ELAPOR2: variants seen among roughly 807,000 people sequenced by gnomAD.
ELAPOR2 encodes endosome/lysosome-associated apoptosis and autophagy regulator family member 2.
A neutral mutation model predicts 120.7 loss-of-function variants in ELAPOR2; 89 were observed. The observed-to-expected ratio is 0.74, with a 90% CI of 0.62 to 0.88. ELAPOR2 has a LOEUF of 0.88. Ranked by LOEUF, ELAPOR2 falls within the 40% of genes least tolerant of loss-of-function variation. ELAPOR2 has a pLI of 0.00. For synonymous variants in ELAPOR2, 444 were observed against 444.9 expected (o/e 1.00, Z 0.03); for missense variants, 1,134 against 1,251.6 (o/e 0.91, Z 1.42).
chr7:86,902,272 G>T (rs1157885149), intron 18 of ELAPOR2, among the ~76,000 whole-genome samples: 1 of 152,112 alleles, frequency 6.6e-6, no homozygotes, highest in African/African-American at 2.4e-5. Context: ...CACCTCCTGG[G>T]TTCAAGTGAT....
intron 1 of ELAPOR2, among the ~76,000 whole-genome samples, chr7:87,048,489 G>C (rs906812706): frequency 2.0e-5 from 3 of 152,148 alleles, no homozygotes; most frequent in South Asian, 2.1e-4. Flanking sequence ...GAAAGGTAGT[G>C]TGGGGGTTGG....
At chr7:86,980,677 T>G (rs1261295428) in intron 1 of ELAPOR2, among the ~76,000 whole-genome samples, 2 of 152,036 alleles carry the variant, frequency 1.3e-5, no homozygotes, top group Non-Finnish European at 2.9e-5. Context: ...TTCCTGTGGG[T>G]CTCAAGTACT....
Position 86,947,804 on chromosome 7 carries a change from C to T in ELAPOR2, c.429G>A (p.Pro143=), listed in dbSNP as rs1234060160. 1.7e-5 allele frequency: 26 copies of T among 1,551,728 alleles called. No homozygotes were observed. The Admixed American group carries it at 2.7e-4, about 16-fold the overall frequency. Reference sequence around the variant, plus strand: ...ATGTTGCGATGTTAGAAAATCCTGCCGGCAATTCATCCCATTCATCAAATT... The same window carrying T: ...ATGTTGCGATGTTAGAAAATCCTGCTGGCAATTCATCCCATTCATCAAATT... The part of the protein sequence containing the change: ...GIKFDEWDEL[P]AGFSNIATFM... The change falls in exon 3 of 22, where the codon CCG becomes CCA. Residue 143 remains proline (P), a synonymous_variant. Transcript: ENST00000450689.
chr7:86,879,832 C>T lies in ELAPOR2; in HGVS notation c.*639G>A, dbSNP rs148888430. ...GTCAAGCCCTTCTTACCAGCTCCAA[C>T]GAGGATGGAATTTCAAAGGCAATTA... On this transcript the variant is annotated 3_prime_UTR_variant, in exon 22 of 22. Transcript: ENST00000450689. 1 of 152,044 alleles carries T rather than the reference C, an allele frequency of 6.6e-6. No individual in the cohort carries two copies. Among genetic ancestry groups the T allele is most frequent in the Non-Finnish European group, 1.5e-5 (1 of 68,020 alleles). 9.4% of individuals were successfully genotyped at this position (152,044 alleles called of 1,614,324 possible).
intron 1 of ELAPOR2, among the ~76,000 whole-genome samples, chr7:87,056,246 C>T (rs928585673): frequency 3.3e-5 from 5 of 152,136 alleles, no homozygotes; most frequent in Non-Finnish European, 7.4e-5. Context: ...TTATATTTCT[C>T]CTTTATCTTA....
At chr7:86,887,675 G>C (rs1333495271) in intron 21 of ELAPOR2, among the ~76,000 whole-genome samples, 1 of 152,060 alleles carries the variant, frequency 6.6e-6, no homozygotes, top group East Asian at 1.9e-4. Context: ...ATTTCCTACT[G>C]TCCAAAAGCA....
chr7:87,038,657 ATGAAAATTAAACAATATG>A (rs1446005598), intron 1 of ELAPOR2, among the ~76,000 whole-genome samples: 1 of 152,182 alleles, frequency 6.6e-6, no homozygotes, highest in African/African-American at 2.4e-5. Flanking sequence ...ATACAAATAC[ATGAAAATTAAACAATATG>A]CTCCTGAATG....
At chr7:87,041,838 C>T (rs1794798233) in intron 1 of ELAPOR2, among the ~76,000 whole-genome samples, 1 of 151,808 alleles carries the variant, frequency 6.6e-6, no homozygotes, top group African/African-American at 2.4e-5. Context: ...AGAGTCAAGA[C>T]CCATCAGTGT....
chr7:86,898,781 T>C (rs1316716033), intron 18 of ELAPOR2, among the ~76,000 whole-genome samples: 1 of 152,104 alleles, frequency 6.6e-6, no homozygotes, highest in African/African-American at 2.4e-5. Flanking sequence ...GCTGGGCATA[T>C]GGAGAGAAAC....
intron 1 of ELAPOR2, among the ~76,000 whole-genome samples, chr7:87,035,795 A>G (rs1794567658): frequency 6.6e-6 from 1 of 152,222 alleles, no homozygotes; most frequent in South Asian, 2.1e-4. Flanking sequence ...ATGCTTGAAC[A>G]TCTGATTTTC....
chr7:86,930,508 T>C (rs1238036325), intron 8 of ELAPOR2, among the ~76,000 whole-genome samples: 15 of 151,988 alleles, frequency 9.9e-5, no homozygotes, highest in Non-Finnish European at 2.9e-5. Flanking sequence ...AATTTAGAAG[T>C]ACTGTGTTAC....
chr7:87,028,338 T>C (rs1584014178), intron 1 of ELAPOR2, among the ~76,000 whole-genome samples: 1 of 152,260 alleles, frequency 6.6e-6, no homozygotes, highest in East Asian at 1.9e-4. Flanking sequence ...ATCTAACAAC[T>C]GTGTTTGATT....
intron 13 of ELAPOR2, among the ~76,000 whole-genome samples, chr7:86,914,198 C>T (rs1789455227): frequency 1.3e-5 from 2 of 151,954 alleles, no homozygotes; most frequent in Non-Finnish European, 2.9e-5. Context: ...AATGGATATA[C>T]TTAGGGGAGG....
At chr7:86,903,959 TCTAA>T (rs1387609336) in intron 18 of ELAPOR2, among the ~76,000 whole-genome samples, 5 of 152,190 alleles carry the variant, frequency 3.3e-5, no homozygotes, top group Non-Finnish European at 7.4e-5. Context: ...GATATTTGCC[TCTAA>T]CTTAGTGTGC....
In ELAPOR2 at chr7:87,024,006, C is replaced by T. The variant is rs973015085; in HGVS notation, c.189+35319G>A. Among the ~76,000 whole-genome samples, 446 of 152,072 alleles carry T rather than the reference C, an allele frequency of 2.9e-3. 4 individuals are homozygous for T. The highest frequency in any genetic ancestry group is 3.5e-3 in the African/African-American group (145 of 41,504). On this transcript the variant is annotated intron_variant, in intron 1 of 21. Coordinates refer to ENST00000450689, the MANE Select transcript of ELAPOR2 (RefSeq NM_001142749.3). ...TTTCTAGATATACAATCATGTCATC[C>T]GCAAACAGGGACAATTTGACTTCCT...
chr7:86,910,000 C>T lies in ELAPOR2; in HGVS notation c.2171G>A (p.Gly724Glu). ...GTTGGTACAGAGAGCCATCTTCTTC[C>T]CCTAGGAAAATAAAGTCATAAAAGA... ...FFNISLCGHE[G>E]KKMALCTNNI... Residue 724 changes from glycine to glutamate, a missense_variant and splice_region_variant, in exon 16 of 22, where the codon GGG becomes GAG. Coordinates refer to ENST00000450689, the MANE Select transcript of ELAPOR2 (RefSeq NM_001142749.3). 1 of 1,599,844 alleles carries T rather than the reference C, an allele frequency of 6.3e-7. No individual in the cohort carries two copies. The highest frequency in any genetic ancestry group is 8.5e-7 in the Non-Finnish European group (1 of 1,174,230).
intron 8 of ELAPOR2, 120 bp downstream of exon 8, chr7:86,938,006 T>G (rs1790637589): frequency 1.4e-6 from 1 of 705,724 alleles, no homozygotes; most frequent in African/African-American, 1.8e-5. Context: ...ACTCTAAAAT[T>G]TCCTCTTTAC....
intron 18 of ELAPOR2, among the ~76,000 whole-genome samples, chr7:86,904,761 C>T (rs890918979): frequency 2.6e-5 from 4 of 152,168 alleles, no homozygotes; most frequent in African/African-American, 9.6e-5. Context: ...TTCTCACTTT[C>T]CCAGGTCTGG....
chr7:86,939,918 T>C (rs1790731561), intron 6 of ELAPOR2, 92 bp downstream of exon 6: 2 of 694,598 alleles, frequency 2.9e-6, no homozygotes, highest in South Asian at 5.1e-5. Context: ...GTTCTATAAA[T>C]CTTTGAGCCA....
Sources: allele counts gnomAD v4.1 joint callset (sites outside exome capture counted in the v4.1 genomes callset), GRCh38; gene constraint gnomAD v4.1.1; transcripts MANE v1.5; gene names NCBI Gene and HGNC (gene_info 2026-07-23, HGNC 2026-07-21).